ITGAE: variants seen among roughly 807,000 people sequenced by gnomAD.
ITGAE encodes the protein integrin subunit alpha E, also known as integrin alpha-E.
A neutral mutation model predicts 136.5 loss-of-function variants in ITGAE; 99 were observed. That is an observed-to-expected ratio of 0.73 (90% confidence interval 0.62 to 0.86). The LOEUF is 0.86. ITGAE is among the 40% of genes least tolerant of loss of function. The pLI, the probability that ITGAE is intolerant of heterozygous loss-of-function variation, is 0.00. For synonymous variants in ITGAE, 613 were observed against 591.8 expected, an observed-to-expected ratio of 1.04 and a Z score of -0.52; for missense variants, 1,447 against 1,515.3, an observed-to-expected ratio of 0.95 and a Z score of 0.75.
rs1056860870 is a variant in ITGAE, at chr17:3,798,678, T to C, written c.34+2433A>G. On this transcript the variant is annotated intron_variant, in intron 1 of 30. Transcript: ENST00000263087. This position sits in a 1 kb window ranked among gnomAD's most constrained non-coding sequence, Gnocchi z 4.3. ...ACCAGCAGAGCGGGCCCTGGACTTC[T>C]GGTTCCTTCTTCTTCACCCCTGTAA... Among the ~76,000 whole-genome samples the C allele has an allele frequency of 2.6e-5, 4 of 152,214 alleles. No homozygotes were observed. In the East Asian group the frequency reaches 7.7e-4, roughly 29 times the overall value.
At chr17:3,770,127 T>C (rs1323184756) in intron 2 of ITGAE, among the ~76,000 whole-genome samples, 1 of 149,436 alleles carries the variant, frequency 6.7e-6, no homozygotes, top group East Asian at 2.0e-4. Context: ...TTTTTTTTTT[T>C]TCTTTTTTTT....
intron 26 of ITGAE, chr17:3,724,424 C>T: frequency 6.2e-7 from 1 of 1,613,070 alleles, no homozygotes; most frequent in Non-Finnish European, 8.5e-7. Context: ...ACGAGCTGGG[C>T]ATCAGTGCCT....
intron 29 of ITGAE, 28 bp downstream of exon 29, chr17:3,720,279 C>T (rs2051022298): frequency 2.7e-6 from 3 of 1,097,372 alleles, no homozygotes; most frequent in Admixed American, 1.7e-5. Flanking sequence ...TTTCCTTGGG[C>T]ACTACTCAGA....
In ITGAE at chr17:3,786,166, C is replaced by CAA. The variant is rs369144318; in HGVS notation, c.35-8508_35-8507dup. ...TGGGTGACAGAGAGAGACTCCATCTCAAAAAAAAAAAAAAAAAAAAGTAAG... is the reference window on the plus strand; with the variant it reads ...TGGGTGACAGAGAGAGACTCCATCTCAAAAAAAAAAAAAAAAAAAAAAGTAAG... On this transcript the variant is annotated intron_variant, in intron 1 of 30. Transcript: ENST00000263087. Among the ~76,000 whole-genome samples, 257 of 58,344 alleles carry CAA rather than the reference C, an allele frequency of 4.4e-3. 1 individual carries two copies. The highest frequency in any genetic ancestry group is 0.013 in the African/African-American group (245 of 18,316). The allele number at this position is 58,344 out of a possible 152,430, so 38.3% of individuals were successfully genotyped here. A position where few individuals can be genotyped will look rare whatever the true frequency, so the allele number is the denominator to read the frequency against.
intron 1 of ITGAE, among the ~76,000 whole-genome samples, chr17:3,787,830 G>C (rs2052836184): frequency 6.6e-6 from 1 of 151,984 alleles, no homozygotes; most frequent in Non-Finnish European, 1.5e-5. Context: ...TGGAATTACA[G>C]ATGCCCGCCA....
intron 1 of ITGAE, among the ~76,000 whole-genome samples, chr17:3,796,121 C>CTGTGTGTGCATCCCTG (rs2053088597): frequency 7.6e-6 from 1 of 131,622 alleles, no homozygotes; most frequent in African/African-American, 2.9e-5. Flanking sequence ...GTGTGCATCC[C>CTGTGTGTGCATCCCTG]TGTGTGTGCA....
intron 14 of ITGAE, among the ~76,000 whole-genome samples, chr17:3,752,361 T>C (rs556608266): frequency 1.3e-5 from 2 of 152,324 alleles, no homozygotes; most frequent in South Asian, 2.1e-4. Context: ...GAGCCCCAGC[T>C]TCCTCACCCG....
In ITGAE at chr17:3,759,080, G is replaced by A. The variant is rs369849706; in HGVS notation, c.866+322C>T. Among the ~76,000 whole-genome samples, 42 of 149,692 alleles carry A rather than the reference G, an allele frequency of 2.8e-4. No homozygotes were observed. In the East Asian group the frequency reaches 8.0e-3, roughly 29 times the overall value. ...GCGGAGCTTGCAGTGAGCTGAGATC[G>A]TGCCACTGCACTCCAGCCTGGGTGA... On this transcript the variant is annotated intron_variant, in intron 8 of 30. Coordinates refer to ENST00000263087, the MANE Select transcript of ITGAE (RefSeq NM_002208.5).
At chr17:3,749,975 C>T (rs1356581031) in intron 16 of ITGAE, among the ~76,000 whole-genome samples, 6 of 152,052 alleles carry the variant, frequency 3.9e-5, no homozygotes, top group Non-Finnish European at 8.8e-5. Context: ...AAGATTACAC[C>T]ACTGCACTCC....
chr17:3,794,977 C>T (rs2053030455), intron 1 of ITGAE, among the ~76,000 whole-genome samples: 1 of 152,150 alleles, frequency 6.6e-6, no homozygotes, highest in Non-Finnish European at 1.5e-5. Flanking sequence ...CTCCAGGCCT[C>T]GACACAGCGG....
chr17:3,777,626 C>G lies in ITGAE; in HGVS notation c.69G>C (p.Val23=). The change falls in exon 2 of 31, where the codon GTG becomes GTC. Residue 23 remains valine (V), a synonymous_variant. Transcript: ENST00000263087. ...CCTTGGGCGTGAGCCAGGGCCGGGC[C>G]ACATCCACATTGAAAGCGGCCAGCA... The part of the protein sequence containing the change: ...LALLAAFNVD[V]ARPWLTPKGG... 1 of 1,613,862 alleles carries G rather than the reference C, an allele frequency of 6.2e-7. No individual in the cohort carries two copies. Among genetic ancestry groups the G allele is most frequent in the Non-Finnish European group, 8.5e-7 (1 of 1,179,902 alleles).
rs751243463 is a variant in ITGAE, at chr17:3,755,097, T to G, written c.1384+20A>C. On this transcript the variant is annotated intron_variant, in intron 12 of 30. Transcript: ENST00000263087. ...CCCTCATCAGGTGGCCCCGCCCTCATCAGGTGGCCCCGCCCTCACCCAGGT... is the reference window on the plus strand; with the variant it reads ...CCCTCATCAGGTGGCCCCGCCCTCAGCAGGTGGCCCCGCCCTCACCCAGGT... The G allele has an allele frequency of 4.1e-6, 6 of 1,475,590 alleles. No individual in the cohort carries two copies. In the Admixed American group the frequency reaches 1.2e-4, roughly 28 times the overall value. 91.4% of individuals were successfully genotyped at this position (1,475,590 alleles called of 1,614,324 possible).
chr17:3,767,394 G>A lies in ITGAE; in HGVS notation c.156-3434C>T, dbSNP rs1035166174. ...ATTACAGGTGTGAGCCACCACACCC[G>A]GCCAATTTTTGTATTTTTAGTAGAG... On this transcript the variant is annotated intron_variant, in intron 2 of 30. Transcript: ENST00000263087. 2.0e-5 allele frequency among the ~76,000 whole-genome samples: 3 copies of A among 151,816 alleles called. No individual in the cohort carries two copies. The South Asian group carries it at 6.2e-4, about 32-fold the overall frequency.
intron 1 of ITGAE, among the ~76,000 whole-genome samples, chr17:3,785,533 AGG>A (rs2052769284): frequency 6.7e-6 from 1 of 149,866 alleles, no homozygotes. Context: ...GAAGGAAGGA[AGG>A]AAGGAAGGAA....
At chr17:3,726,477 A>G in intron 26 of ITGAE, 1 of 625,980 alleles carries the variant, frequency 1.6e-6, no homozygotes, top group South Asian at 2.3e-5. Context: ...TTTGTTTCCA[A>G]ATGGAAACTG....
At chr17:3,727,434 C>CT (rs2051239566) in intron 26 of ITGAE, among the ~76,000 whole-genome samples, 1 of 149,766 alleles carries the variant, frequency 6.7e-6, no homozygotes, top group Admixed American at 6.7e-5. Context: ...GAGTCTCACT[C>CT]TGTCTCCCAG....
intron 20 of ITGAE, among the ~76,000 whole-genome samples, chr17:3,736,363 T>A (rs72825413): frequency 1.4e-3 from 219 of 152,216 alleles, no homozygotes; most frequent in Middle Eastern, 3.4e-3. Context: ...AGTCTAGTAG[T>A]CCAAAGAATT....
At position 3,750,407 on chromosome 17, in the gene ITGAE, C is replaced by G; in HGVS notation, c.1969G>C (p.Gly657Arg). The G allele has an allele frequency of 6.2e-7, 1 of 1,614,192 alleles. No individual in the cohort carries two copies. The highest frequency in any genetic ancestry group is 8.5e-7 in the Non-Finnish European group (1 of 1,180,044). ...ACGGTGATGTCGGCAAGGCCGTCGC[C>G]ACTAATATCAAAGCCACCAGCCATG... The part of the protein sequence containing the change: ...MSMAGGFDIS[G>R]DGLADITVGT... The change falls in exon 16 of 31, where the codon GGC becomes CGC. Residue 657 changes from glycine (G) to arginine (R), a missense_variant. By Grantham distance (125) the Gly-to-Arg change is moderately radical. Transcript: ENST00000263087.
chr17:3,748,474 C>T (rs2567854), intron 16 of ITGAE, among the ~76,000 whole-genome samples: 28,659 of 151,946 alleles, frequency 0.19, 4,772 homozygotes, highest in African/African-American at 0.45. Context: ...GTAATCCCAC[C>T]TACTTGGGAG....
Sources: gnomAD v4.1 joint callset for allele counts (sites outside exome capture counted in the v4.1 genomes callset) on GRCh38, gnomAD v4.1.1 for gene constraint, Gnocchi (gnomAD v3.1) non-coding constraint, MANE v1.5 for transcripts, NCBI Gene and HGNC (gene_info 2026-07-23, HGNC 2026-07-21) for gene names.